CAMK2D: variants seen among roughly 807,000 people sequenced by gnomAD.
The protein encoded by CAMK2D is calcium/calmodulin dependent protein kinase II delta, also known as calcium/calmodulin-dependent protein kinase type II subunit delta.
In CAMK2D, 37 loss-of-function variants were observed where a neutral mutation model predicts 84.0. The observed-to-expected ratio is 0.44, with a 90% CI of 0.34 to 0.58. The LOEUF (loss-of-function observed/expected upper bound fraction) is 0.58, where lower values mean the gene tolerates loss of function less well. CAMK2D is among the 20% of genes least tolerant of loss of function. CAMK2D has a pLI of 0.02. For synonymous variants in CAMK2D, 202 were observed against 212.5 expected (o/e 0.95, Z 0.43); for missense variants, 448 against 652.5 (o/e 0.69, Z 3.41).
chr4:113,455,692 G>T, intron 20 of CAMK2D, 34 bp downstream of exon 20: 1 of 1,206,726 alleles, frequency 8.3e-7, no homozygotes. Flanking sequence ...TTCAGCTCCA[G>T]TCACAAAGTA....
chr4:113,661,622 T>C lies in CAMK2D; in HGVS notation c.220+91A>G, dbSNP rs1434708259. On this transcript the variant is annotated intron_variant, in intron 3 of 20. Coordinates refer to ENST00000511664, the MANE Select transcript of CAMK2D (RefSeq NM_001321571.2). ...GAACCTATTTTTTAAAAGTTATAAA[T>C]ATTCTAGATTATAAAATTAGCATTT... is the stretch of plus-strand genomic sequence containing the variant. 18 of 572,448 alleles carry C rather than the reference T, an allele frequency of 3.1e-5. No homozygotes were observed. The East Asian group carries it at 5.1e-4, about 16-fold the overall frequency. The allele number at this position is 572,448 out of a possible 1,614,324, so 35.5% of individuals were successfully genotyped here.
At chr4:113,468,490 T>C (rs961905477) in intron 16 of CAMK2D, among the ~76,000 whole-genome samples, 1 of 152,200 alleles carries the variant, frequency 6.6e-6, no homozygotes, top group African/African-American at 2.4e-5. Flanking sequence ...ACATGACAGC[T>C]GACTCTTTAA....
chr4:113,526,828 T>C (rs1474536528), intron 8 of CAMK2D, among the ~76,000 whole-genome samples: 1 of 151,954 alleles, frequency 6.6e-6, no homozygotes, highest in Non-Finnish European at 1.5e-5. Flanking sequence ...TGCCTGTGTT[T>C]ACCACAGATC....
At chr4:113,522,045 G>A (rs1034238712) in intron 8 of CAMK2D, among the ~76,000 whole-genome samples, 1 of 150,636 alleles carries the variant, frequency 6.6e-6, no homozygotes, top group Admixed American at 6.9e-5. Context: ...AGAGATGTCC[G>A]GTTAATAAGA....
chr4:113,712,515 C>T (rs952431783), intron 2 of CAMK2D, among the ~76,000 whole-genome samples: 1 of 152,084 alleles, frequency 6.6e-6, no homozygotes, highest in South Asian at 2.1e-4. Flanking sequence ...TATACCATTA[C>T]TTCATTCACC....
intron 2 of CAMK2D, among the ~76,000 whole-genome samples, chr4:113,746,338 AT>A (rs1265028677): frequency 2.0e-5 from 3 of 152,164 alleles, no homozygotes; most frequent in Admixed American, 2.0e-4. Flanking sequence ...AGGTCAACAA[AT>A]ATTAACTCAA....
chr4:113,529,898 T>C (rs1233998953), intron 8 of CAMK2D, among the ~76,000 whole-genome samples: 1 of 152,190 alleles, frequency 6.6e-6, no homozygotes, highest in Non-Finnish European at 1.5e-5. Flanking sequence ...CTAGGAGCAA[T>C]GCTCCACATC....
chr4:113,746,961 A>G (rs1444988311), intron 2 of CAMK2D, among the ~76,000 whole-genome samples: 1 of 148,052 alleles, frequency 6.8e-6, no homozygotes, highest in East Asian at 2.0e-4. Flanking sequence ...AAAAAAAAAA[A>G]AAATCTACCA....
chr4:113,687,641 G>T (rs970102793), intron 2 of CAMK2D, among the ~76,000 whole-genome samples: 4 of 152,168 alleles, frequency 2.6e-5, no homozygotes, highest in Admixed American at 1.3e-4. Context: ...GTCTCTAAGG[G>T]TTTTTATCTG....
chr4:113,711,367 A>G (rs573872179), intron 2 of CAMK2D, among the ~76,000 whole-genome samples: 6 of 152,042 alleles, frequency 3.9e-5, no homozygotes, highest in African/African-American at 1.4e-4. Flanking sequence ...AACTGTCTCA[A>G]TGGAAACTGT....
chr4:113,475,857 T>A (rs1160949169), intron 16 of CAMK2D, among the ~76,000 whole-genome samples: 2 of 152,160 alleles, frequency 1.3e-5, no homozygotes. Context: ...ATCCAGTCCA[T>A]AGCTCCCTGA....
chr4:113,658,628 C>T (rs918972480), intron 3 of CAMK2D, among the ~76,000 whole-genome samples: 2 of 152,154 alleles, frequency 1.3e-5, no homozygotes, highest in South Asian at 2.1e-4. Context: ...TACTGCCTGT[C>T]TCCCCCAAAA....
At chr4:113,681,621 A>G (rs2099346246) in intron 2 of CAMK2D, among the ~76,000 whole-genome samples, 1 of 152,188 alleles carries the variant, frequency 6.6e-6, no homozygotes, top group Non-Finnish European at 1.5e-5. Context: ...CCAAGAAAAC[A>G]TTCACTAATC....
intron 4 of CAMK2D, among the ~76,000 whole-genome samples, chr4:113,603,823 T>G (rs1002250139): frequency 2.1e-5 from 3 of 139,642 alleles, no homozygotes; most frequent in African/African-American, 8.5e-5. Context: ...AAGAAGAGGC[T>G]GGGCATGGTA....
At chr4:113,691,188 G>A (rs946789574) in intron 2 of CAMK2D, among the ~76,000 whole-genome samples, 4 of 152,168 alleles carry the variant, frequency 2.6e-5, no homozygotes, top group African/African-American at 7.2e-5. Context: ...AAAGACATAC[G>A]TCACCCATTA....
intron 4 of CAMK2D, among the ~76,000 whole-genome samples, chr4:113,562,640 C>T (rs1591274454): frequency 6.6e-6 from 1 of 152,164 alleles, no homozygotes; most frequent in African/African-American, 2.4e-5. Flanking sequence ...ATCTATACAG[C>T]CTTACATTGC....
At chr4:113,552,974 TA>T (rs566273522) in intron 4 of CAMK2D, among the ~76,000 whole-genome samples, 283 of 152,290 alleles carry the variant, frequency 1.9e-3, no homozygotes, top group Non-Finnish European at 3.1e-3. Context: ...ATTTCTTGGT[TA>T]TTAGCGAGGT....
chr4:113,575,582 T>C (rs1256990247), intron 4 of CAMK2D, among the ~76,000 whole-genome samples: 3 of 152,212 alleles, frequency 2.0e-5, no homozygotes, highest in Non-Finnish European at 4.4e-5. Context: ...CACCAAGTCC[T>C]GTCAAACCAC....
chr4:113,688,908 T>C (rs916203986), intron 2 of CAMK2D, among the ~76,000 whole-genome samples: 4 of 26,890 alleles, frequency 1.5e-4, no homozygotes, highest in Non-Finnish European at 2.9e-4. Flanking sequence ...ACAAAGAAGA[T>C]GCAAAAAAAA....
Sources: gnomAD v4.1 joint callset for allele counts (sites outside exome capture counted in the v4.1 genomes callset) on GRCh38, gnomAD v4.1.1 for gene constraint, MANE v1.5 for transcripts, NCBI Gene and HGNC (gene_info 2026-07-23, HGNC 2026-07-21) for gene names.